DGKZ: variants seen among roughly 807,000 people sequenced by gnomAD.
DGKZ encodes the protein DAG kinase zeta.
In DGKZ, 45 loss-of-function variants were observed where a neutral mutation model predicts 142.5. The ratio of observed to expected loss-of-function variants is 0.32; its 90% confidence interval spans 0.25 to 0.40. DGKZ has a LOEUF of 0.40. DGKZ is among the 10% of genes least tolerant of loss of function. The pLI, the probability that DGKZ is intolerant of heterozygous loss-of-function variation, is 1.00. For missense variants in DGKZ, 755 were observed against 1,306.5 expected (o/e 0.58, Z 6.51); for synonymous variants, 442 against 527.0 (o/e 0.84, Z 2.21).
At chr11:46,364,268 C>A in intron 1 of DGKZ, 1 of 951,376 alleles carries the variant, frequency 1.1e-6, no homozygotes, top group Non-Finnish European at 1.5e-6. Context: ...ACTTCCTCAT[C>A]AGGAATGCAG....
intron 1 of DGKZ, among the ~76,000 whole-genome samples, chr11:46,336,605 C>T (rs758377082): frequency 1.1e-4 from 17 of 152,058 alleles, no homozygotes; most frequent in Non-Finnish European, 1.8e-4. Context: ...GATAGGGTCT[C>T]ACTGTGTGTG....
intron 9 of DGKZ, 124 bp from the exon 10 acceptor site, chr11:46,371,951 T>A (rs1943993986): frequency 8.1e-7 from 1 of 1,239,294 alleles, no homozygotes; most frequent in African/African-American, 1.5e-5. Context: ...CCTGGTAAGA[T>A]CTGGCCCAGA....
Position 46,373,096 on chromosome 11 carries a change from G to A in DGKZ, c.1321G>A (p.Asp441Asn), listed in dbSNP as rs184507827. The change falls in exon 14 of 31, where the codon GAC becomes AAC. Residue 441 changes from aspartate to asparagine, a missense_variant. Physicochemically the swap from Asp to Asn is conservative, Grantham distance 23. This residue lies in a region of DGKZ where 191 missense variants were observed against 472.1 expected (regional missense o/e 0.40). Coordinates refer to ENST00000527911, the Ensembl canonical transcript of DGKZ. ...TGAGGACCGAGATGAAGGCGCCACCGACCGGGTAAGTTGGCCAGGGTTGGT... is the reference window on the plus strand; with the variant it reads ...TGAGGACCGAGATGAAGGCGCCACCAACCGGGTAAGTTGGCCAGGGTTGGT... 27 of 1,543,300 alleles carry A rather than the reference G, an allele frequency of 1.7e-5. No individual in the cohort carries two copies. Among genetic ancestry groups the A allele is most frequent in the Admixed American group, 1.6e-4 (8 of 48,578 alleles).
At chr11:46,371,877 G>A in intron 9 of DGKZ, 102 bp downstream of exon 9, 3 of 1,396,956 alleles carry the variant, frequency 2.1e-6, no homozygotes, top group South Asian at 2.5e-5. Flanking sequence ...CAGCTGGTGG[G>A]GGTCTGTGTG....
chr11:46,355,792 G>T lies in DGKZ; in HGVS notation c.161+7972G>T, dbSNP rs529373615. Among the ~76,000 whole-genome samples the T allele has an allele frequency of 9.9e-5, 15 of 152,176 alleles. No homozygotes were observed. In the South Asian group the frequency reaches 2.7e-3, roughly 27 times the overall value. On this transcript the variant is annotated intron_variant, in intron 1 of 30. Coordinates refer to ENST00000527911, the Ensembl canonical transcript of DGKZ. Reference sequence around the variant, plus strand: ...ATGGAGTTTTGCTCTTGTTGCCCAGGTTGGAGCGCAATGGCGCGGTCTCGG... The same window carrying T: ...ATGGAGTTTTGCTCTTGTTGCCCAGTTTGGAGCGCAATGGCGCGGTCTCGG...
intron 1 of DGKZ, among the ~76,000 whole-genome samples, chr11:46,357,567 C>T (rs1942176689): frequency 6.6e-6 from 1 of 152,220 alleles, no homozygotes; most frequent in African/African-American, 2.4e-5. Flanking sequence ...CTGGCCCCTC[C>T]CCTGTGGAAT....
At position 46,377,232 on chromosome 11, in the gene DGKZ, C is replaced by T. The variant is rs1173181146; in HGVS notation, c.2342+20C>T. On this transcript the variant is annotated intron_variant, in intron 25 of 30. Coordinates refer to ENST00000527911, the Ensembl canonical transcript of DGKZ. ...GCCCCGGTGAGTCCTGGTGTCCCGTCCCTCCAGCCCCTGGCTTTCAGCCCC... is the reference window on the plus strand; with the variant it reads ...GCCCCGGTGAGTCCTGGTGTCCCGTTCCTCCAGCCCCTGGCTTTCAGCCCC... 6.4e-7 allele frequency: 1 copy of T among 1,556,152 alleles called. No individual in the cohort carries two copies. Among genetic ancestry groups the T allele is most frequent in the Admixed American group, 1.9e-5 (1 of 52,970 alleles).
chr11:46,369,426 G>A (rs767043543), intron 4 of DGKZ, 68 bp from the exon 5 acceptor site: 4 of 1,585,384 alleles, frequency 2.5e-6, no homozygotes, highest in South Asian at 1.1e-5. Context: ...TGTCCTGGAG[G>A]GAGTGACCAC....
chr11:46,359,391 G>A lies in DGKZ; in HGVS notation c.162-7900G>A, dbSNP rs568930804. 3.4e-5 allele frequency among the ~76,000 whole-genome samples: 5 copies of A among 149,190 alleles called. No homozygotes were observed. In the East Asian group the frequency reaches 8.1e-4, roughly 24 times the overall value. ...GCCTGGGAGGCTGGGGTTGCAGTGA[G>A]CTGAGATTGCGCCATTGCACTCCAG... On this transcript the variant is annotated intron_variant, in intron 1 of 30. Transcript: ENST00000527911.
In DGKZ at chr11:46,374,487, C is replaced by T. The variant is rs373717877; in HGVS notation, c.1461+33C>T. 1.4e-5 allele frequency: 22 copies of T among 1,613,826 alleles called. No individual in the cohort carries two copies. The African/African-American group carries it at 1.9e-4, about 14-fold the overall frequency. On this transcript the variant is annotated intron_variant, in intron 16 of 30. Transcript: ENST00000527911. Reference sequence around the variant, plus strand: ...GGGTCTGCACCCCCGCCTGTGCCCACCTCTTCTACCACCCGTGCCCGTGCC... The same window carrying T: ...GGGTCTGCACCCCCGCCTGTGCCCATCTCTTCTACCACCCGTGCCCGTGCC...
chr11:46,358,653 T>C (rs1213980705), intron 1 of DGKZ, among the ~76,000 whole-genome samples: 1 of 152,140 alleles, frequency 6.6e-6, no homozygotes, highest in Non-Finnish European at 1.5e-5. Context: ...GGCAACATAG[T>C]GAGACCTCAT....
chr11:46,361,718 C>A (rs1428500043), intron 1 of DGKZ: 2 of 968,402 alleles, frequency 2.1e-6, no homozygotes, highest in South Asian at 4.8e-5. Context: ...TCAAAAGGGG[C>A]CCCCAGCCCC....
In DGKZ at chr11:46,376,134, A is replaced by G. The variant is rs767891237; in HGVS notation, c.2080A>G (p.Arg694Gly). Residue 694 changes from arginine to glycine, a missense_variant, in exon 22 of 31, where the codon AGA becomes GGA. Coordinates refer to ENST00000527911, the Ensembl canonical transcript of DGKZ. ...AGAGCTCTGCCGTGCCCACATTGAG[A>G]GACTCCAGCAGGTAAGGGGTGGGGG... The G allele has an allele frequency of 5.0e-6, 8 of 1,610,924 alleles. 1 individual carries two copies. In the Admixed American group the frequency reaches 1.3e-4, roughly 27 times the overall value.
At chr11:46,369,654 C>T in intron 5 of DGKZ, 104 bp downstream of exon 5, 1 of 1,424,072 alleles carries the variant, frequency 7.0e-7, no homozygotes, top group Admixed American at 1.7e-5. Context: ...TCCCTCTAGG[C>T]TGCTGCTCAC....
intron 26 of DGKZ, 77 bp downstream of exon 26, chr11:46,378,306 C>T: frequency 6.4e-7 from 1 of 1,551,276 alleles, no homozygotes; most frequent in Non-Finnish European, 8.7e-7. Context: ...GGATAGGGCC[C>T]AGACACAGCC....
intron 22 of DGKZ, 62 bp downstream of exon 22, chr11:46,376,207 T>A: frequency 6.2e-7 from 1 of 1,606,718 alleles, no homozygotes; most frequent in Non-Finnish European, 8.5e-7. Context: ...AGGCCAGGCC[T>A]CTTCCTCCCG....
At chr11:46,375,596 G>A (rs1944437266) in exon 20 of DGKZ, 1 of 1,586,694 alleles carries the variant, frequency 6.3e-7, no homozygotes, top group Admixed American at 1.7e-5. Flanking sequence ...TGGTGCAGAA[G>A]GCCAAGCGGC....
exon 1 of DGKZ, chr11:46,333,287 G>A: frequency 7.9e-7 from 1 of 1,264,200 alleles, no homozygotes; most frequent in Non-Finnish European, 9.9e-7. Context: ...TGGCCGAGGG[G>A]CAGGGCGGCG....
Position 46,379,256 on chromosome 11 carries a change from A to T in DGKZ, c.2573+20A>T. ...GGAAAAGTAAGTATCTGGGCAGTGC[A>T]GAACCGTGGTCACCCCGGAAACCAC... is the stretch of plus-strand genomic sequence containing the variant. On this transcript the variant is annotated intron_variant, in intron 29 of 30. Transcript: ENST00000527911. 1 of 1,613,138 alleles carries T rather than the reference A, an allele frequency of 6.2e-7. No homozygotes were observed. Among genetic ancestry groups the T allele is most frequent in the South Asian group, 1.1e-5 (1 of 91,086 alleles).
Sources: allele counts gnomAD v4.1 joint callset (sites outside exome capture counted in the v4.1 genomes callset), GRCh38; gene constraint gnomAD v4.1.1; regional missense constraint gnomAD v4.1.1; transcripts MANE v1.5; gene names NCBI Gene and HGNC (gene_info 2026-07-23, HGNC 2026-07-21).